Variants in PDE7B observed in about 807,000 individuals in gnomAD.
PDE7B encodes phosphodiesterase 7B.
A neutral mutation model predicts 56.2 loss-of-function variants in PDE7B; 29 were observed. That is an observed-to-expected ratio of 0.52 (90% CI 0.38 to 0.70). The LOEUF (loss-of-function observed/expected upper bound fraction) is 0.70. Among genes scored for constraint, PDE7B ranks in the 30% least tolerant of loss-of-function variants. The pLI is 0.00. For missense variants in PDE7B, 490 were observed against 565.0 expected (o/e 0.87, Z 1.35); for synonymous variants, 197 against 196.9 (o/e 1.00, Z 0.00).
At chr6:136,156,201 G>GTGTGTGTGTGTGTT (rs997239420) in intron 8 of PDE7B, 1 of 326,492 alleles carries the variant, frequency 3.1e-6, no homozygotes, top group South Asian at 2.6e-5. Context: ...GTGTGTGTGT[G>GTGTGTGTGTGTGTT]TTTTCAGAAA....
rs1344658447 is a variant in PDE7B at position 135,902,749 on chromosome 6, G to A, written c.22-44715G>A. On this transcript the variant is annotated intron_variant, in intron 1 of 12. Coordinates refer to ENST00000308191, the MANE Select transcript of PDE7B (RefSeq NM_018945.4). ...TACCTGACAAGCAGATATAACTGGT[G>A]TTTTGTTAGCTCAGCTTTTCACAAA... 2.6e-5 allele frequency among the ~76,000 whole-genome samples: 4 copies of A among 152,292 alleles called. No individual in the cohort carries two copies. In the South Asian group the frequency reaches 8.3e-4, roughly 32 times the overall value.
intron 3 of PDE7B, among the ~76,000 whole-genome samples, chr6:136,141,652 T>C (rs192970256): frequency 1.4e-4 from 21 of 152,334 alleles, no homozygotes; most frequent in African/African-American, 4.8e-4. Context: ...GATCCTGTTA[T>C]TGGTCTATTC....
At chr6:135,998,472 C>G (rs1775604865) in intron 2 of PDE7B, among the ~76,000 whole-genome samples, 1 of 151,724 alleles carries the variant, frequency 6.6e-6, no homozygotes, top group Non-Finnish European at 1.5e-5. Context: ...AATTAAAACT[C>G]CTGGCCAGGC....
At chr6:136,146,772 T>C (rs1204216650) in intron 3 of PDE7B, among the ~76,000 whole-genome samples, 7 of 152,212 alleles carry the variant, frequency 4.6e-5, no homozygotes, top group Admixed American at 2.6e-4. Context: ...TCACTTAGCA[T>C]ACCAGCATCA....
chr6:136,007,025 G>T (rs1424470132), intron 2 of PDE7B, among the ~76,000 whole-genome samples: 5 of 152,148 alleles, frequency 3.3e-5, no homozygotes, highest in African/African-American at 1.2e-4. Context: ...TCCCTATTCA[G>T]TGTAATATTG....
intron 2 of PDE7B, among the ~76,000 whole-genome samples, chr6:136,082,631 T>C (rs78627906): frequency 0.011 from 1,738 of 152,316 alleles, 38 homozygotes; most frequent in African/African-American, 0.04. Context: ...AGTTTTCTTG[T>C]ATGGGTCTCT....
At chr6:135,937,960 G>C (rs920638028) in intron 1 of PDE7B, among the ~76,000 whole-genome samples, 1 of 152,128 alleles carries the variant, frequency 6.6e-6, no homozygotes, top group South Asian at 2.1e-4. Context: ...TACACAGCAG[G>C]CCCCATTATG....
At chr6:135,861,758 A>C (rs1583711675) in intron 1 of PDE7B, among the ~76,000 whole-genome samples, 2 of 151,848 alleles carry the variant, frequency 1.3e-5, no homozygotes, top group East Asian at 3.9e-4. Context: ...TCATAAACAT[A>C]ATGTATCCTT....
chr6:136,102,762 G>C (rs1777584419), intron 2 of PDE7B, among the ~76,000 whole-genome samples: 1 of 152,094 alleles, frequency 6.6e-6, no homozygotes, highest in Non-Finnish European at 1.5e-5. Flanking sequence ...AATGAGGATA[G>C]CTCTTGTTGA....
In PDE7B at chr6:136,188,922, G is replaced by C. The variant is rs924273617; in HGVS notation, c.1126+1806G>C. On this transcript the variant is annotated intron_variant, in intron 12 of 12. Coordinates refer to ENST00000308191, the MANE Select transcript of PDE7B (RefSeq NM_018945.4). ...TGCTCCACATCTGCCAGCTCGTAGA[G>C]GTTGAGGGTTGGGAAGTGGGGTGGC... Among the ~76,000 whole-genome samples the C allele has an allele frequency of 7.9e-5, 12 of 152,262 alleles. No individual in the cohort carries two copies. The East Asian group carries it at 2.1e-3, about 27-fold the overall frequency.
chr6:136,122,662 T>C (rs774179941), intron 3 of PDE7B, among the ~76,000 whole-genome samples: 2 of 152,260 alleles, frequency 1.3e-5, no homozygotes, highest in Admixed American at 6.5e-5. Flanking sequence ...CTGGTATCTA[T>C]TGAAAGTGTT....
intron 2 of PDE7B, among the ~76,000 whole-genome samples, chr6:135,985,079 G>A (rs1256849196): frequency 2.0e-5 from 3 of 152,168 alleles, no homozygotes; most frequent in African/African-American, 7.2e-5. Flanking sequence ...TTGCTCTTTT[G>A]CAACTAGGCT....
At chr6:136,079,384 T>A (rs1366874945) in intron 2 of PDE7B, among the ~76,000 whole-genome samples, 1 of 152,220 alleles carries the variant, frequency 6.6e-6, no homozygotes, top group Non-Finnish European at 1.5e-5. Flanking sequence ...CCTAGTCATG[T>A]GTGGCTAAAC....
intron 2 of PDE7B, among the ~76,000 whole-genome samples, chr6:136,006,648 G>C (rs564464580): frequency 6.6e-6 from 1 of 152,106 alleles, no homozygotes; most frequent in East Asian, 1.9e-4. Context: ...CTGTATTCCT[G>C]GGTATTTTAT....
At chr6:136,126,897 A>G (rs1239963766) in intron 3 of PDE7B, among the ~76,000 whole-genome samples, 1 of 152,160 alleles carries the variant, frequency 6.6e-6, no homozygotes, top group East Asian at 1.9e-4. Flanking sequence ...AATCGCCACT[A>G]AAGAAATTAC....
intron 10 of PDE7B, among the ~76,000 whole-genome samples, chr6:136,179,878 T>C (rs1483707552): frequency 2.6e-5 from 4 of 152,232 alleles, no homozygotes; most frequent in African/African-American, 9.6e-5. Context: ...TTGGATCAAG[T>C]CCATTCCTTT....
At chr6:136,116,345 G>A (rs1470727242) in intron 3 of PDE7B, among the ~76,000 whole-genome samples, 1 of 152,212 alleles carries the variant, frequency 6.6e-6, no homozygotes, top group African/African-American at 2.4e-5. Flanking sequence ...ATTCAAACTT[G>A]TCTCATTAAG....
rs116876743 is a variant in PDE7B at position 135,902,921 on chromosome 6, A to G, written c.22-44543A>G. On this transcript the variant is annotated intron_variant, in intron 1 of 12. Transcript: ENST00000308191. ...TGTTATTCTCCTCATTCTACTGATT[A>G]GGAAACAGGATGAGAGAGGTTAAAT... Among the ~76,000 whole-genome samples the G allele has an allele frequency of 8.8e-4, 134 of 152,336 alleles. 1 individual carries two copies. In the Middle Eastern group the frequency reaches 0.014, roughly 15 times the overall value.
chr6:135,876,731 C>T (rs1031932721), intron 1 of PDE7B, among the ~76,000 whole-genome samples: 1 of 151,982 alleles, frequency 6.6e-6, no homozygotes, highest in African/African-American at 2.4e-5. Flanking sequence ...TGGTGGTGGG[C>T]ACCTGTAATC....
Sources: gnomAD v4.1 joint callset for allele counts (sites outside exome capture counted in the v4.1 genomes callset) on GRCh38, gnomAD v4.1.1 for gene constraint, MANE v1.5 for transcripts, NCBI Gene and HGNC (gene_info 2026-07-23, HGNC 2026-07-21) for gene names.